The following C13orf42 variants were observed in gnomAD, a reference collection of about 807,000 sequenced individuals.
The protein encoded by C13orf42 is uncharacterized protein C13orf42.
At chr13:51,090,748 A>G (rs1031263586) in intron 1 of C13orf42, among the ~76,000 whole-genome samples, 2 of 152,280 alleles carry the variant, frequency 1.3e-5, no homozygotes, top group African/African-American at 2.4e-5. Context: ...AAAAGAGTCA[A>G]TGTTGGTGTC....
At chr13:51,110,524 G>A (rs2138003065) in intron 1 of C13orf42, among the ~76,000 whole-genome samples, 1 of 152,254 alleles carries the variant, frequency 6.6e-6, no homozygotes, top group Non-Finnish European at 1.5e-5. Flanking sequence ...CCAAACCCTT[G>A]TGACACACAG....
intron 1 of C13orf42, among the ~76,000 whole-genome samples, chr13:51,102,430 G>A (rs1444483264): frequency 6.6e-6 from 1 of 152,208 alleles, no homozygotes; most frequent in Non-Finnish European, 1.5e-5. Context: ...ATGAACCAAG[G>A]CTGAGTGGCC....
intron 1 of C13orf42, among the ~76,000 whole-genome samples, chr13:51,108,815 C>A (rs9316521): frequency 6.6e-6 from 1 of 152,186 alleles, no homozygotes; most frequent in African/African-American, 2.4e-5. Flanking sequence ...TTCCTGATTG[C>A]GCTGTGGTGA....
At chr13:51,149,690 A>G (rs964546090) in intron 1 of C13orf42, among the ~76,000 whole-genome samples, 5 of 152,216 alleles carry the variant, frequency 3.3e-5, no homozygotes, top group African/African-American at 7.2e-5. Context: ...GCCAAAGGCA[A>G]TTATGTTTTT....
chr13:51,116,818 G>A (rs1953495760), intron 1 of C13orf42, among the ~76,000 whole-genome samples: 1 of 152,240 alleles, frequency 6.6e-6, no homozygotes, highest in South Asian at 2.1e-4. Context: ...GCATTCAGTG[G>A]TGGGTTGTCT....
chr13:51,156,677 A>G (rs920190924), intron 1 of C13orf42, among the ~76,000 whole-genome samples: 7 of 152,242 alleles, frequency 4.6e-5, no homozygotes, highest in African/African-American at 1.4e-4. Context: ...AGACTAGTGG[A>G]AAAAATCGGT....
chr13:51,087,879 C>T (rs1180686109), intron 2 of C13orf42, 49 bp downstream of exon 2: 3 of 398,618 alleles, frequency 7.5e-6, no homozygotes, highest in Non-Finnish European at 4.4e-6. Flanking sequence ...AGCATCACAG[C>T]CCCACCCGCC....
intron 1 of C13orf42, among the ~76,000 whole-genome samples, chr13:51,149,601 T>C (rs887530684): frequency 2.0e-5 from 3 of 152,174 alleles, no homozygotes; most frequent in Non-Finnish European, 4.4e-5. Context: ...AATGGTAGCC[T>C]GGTTCTCATT....
chr13:51,146,311 T>C (rs1953734965), intron 1 of C13orf42, among the ~76,000 whole-genome samples: 1 of 152,202 alleles, frequency 6.6e-6, no homozygotes, highest in Non-Finnish European at 1.5e-5. Flanking sequence ...ATTGACGGAT[T>C]CCTTACCCCT....
chr13:51,112,480 C>A (rs572670322), upstream of C13orf42, among the ~76,000 whole-genome samples: 2 of 152,270 alleles, frequency 1.3e-5, no homozygotes, highest in South Asian at 4.2e-4. Flanking sequence ...AATAACGATA[C>A]TTTTCTTTGT....
At chr13:51,094,076 T>C (rs1389405718) in intron 1 of C13orf42, among the ~76,000 whole-genome samples, 1 of 152,210 alleles carries the variant, frequency 6.6e-6, no homozygotes, top group Admixed American at 6.5e-5. Flanking sequence ...CAGCAAGAAC[T>C]CTTTCATGGT....
chr13:51,114,871 ATAGGTTTTAGG>A (rs1200836679), upstream of C13orf42, among the ~76,000 whole-genome samples: 1 of 152,258 alleles, frequency 6.6e-6, no homozygotes, highest in Non-Finnish European at 1.5e-5. Flanking sequence ...TGCCAAAAGA[ATAGGTTTTAGG>A]TGTTCTTGTC....
intron 1 of C13orf42, among the ~76,000 whole-genome samples, chr13:51,167,772 C>T (rs936393987): frequency 3.3e-5 from 5 of 152,098 alleles, no homozygotes; most frequent in Non-Finnish European, 1.5e-5. Context: ...GATTGGGCCT[C>T]GGCTAATCAA....
rs942308938 is a variant in C13orf42 at position 51,133,270 on chromosome 13, C to G, written n.137-20048G>C. On this transcript the variant is annotated intron_variant and non_coding_transcript_variant, in intron 1 of 4. Coordinates refer to the C13orf42 transcript ENST00000433280. ...CCTTTCCAGTAACACCTAGAGTAGT[C>G]AGATTCATAGAGAAGGGAAATAGAA... is the stretch of plus-strand genomic sequence containing the variant. Among the ~76,000 whole-genome samples the G allele has an allele frequency of 2.6e-5, 4 of 152,220 alleles. No individual in the cohort carries two copies. In the South Asian group the frequency reaches 6.2e-4, roughly 24 times the overall value.
intron 1 of C13orf42, among the ~76,000 whole-genome samples, chr13:51,116,741 A>AT (rs796271188): frequency 2.0e-5 from 3 of 152,372 alleles, no homozygotes; most frequent in African/African-American, 7.2e-5. Flanking sequence ...AATGATCATT[A>AT]TATTTGCTCA....
upstream of C13orf42, among the ~76,000 whole-genome samples, chr13:51,113,477 T>A (rs904098492): frequency 2.0e-5 from 3 of 152,230 alleles, no homozygotes; most frequent in African/African-American, 7.2e-5. Flanking sequence ...GAATAGTGAC[T>A]GCCTTTAACG....
At chr13:51,114,049 G>A (rs554682501), upstream of C13orf42, among the ~76,000 whole-genome samples, 1 of 152,362 alleles carries the variant, frequency 6.6e-6, no homozygotes, top group South Asian at 2.1e-4. Flanking sequence ...GAACCCCAGA[G>A]TGATGGCTGA....
intron 1 of C13orf42, among the ~76,000 whole-genome samples, chr13:51,094,528 A>T (rs1476084669): frequency 3.9e-5 from 6 of 152,196 alleles, no homozygotes; most frequent in Non-Finnish European, 7.3e-5. Context: ...AGAGAATTTT[A>T]AAATGTTTTA....
At chr13:51,168,057 TAG>T (rs1210604202) in intron 1 of C13orf42, among the ~76,000 whole-genome samples, 4 of 152,230 alleles carry the variant, frequency 2.6e-5, no homozygotes, top group African/African-American at 9.6e-5. Context: ...GCCTTCCTGA[TAG>T]ACTCTCCAGA....
Sources: allele counts gnomAD v4.1 joint callset (sites outside exome capture counted in the v4.1 genomes callset), GRCh38; gene constraint gnomAD v4.1.1; transcripts MANE v1.5; gene names NCBI Gene and HGNC (gene_info 2026-07-23, HGNC 2026-07-21).